FRMD6: variants seen among roughly 807,000 people sequenced by gnomAD.
The protein encoded by FRMD6 is FERM domain-containing protein 6.
A neutral mutation model predicts 73.2 loss-of-function variants in FRMD6; 37 were observed. The observed-to-expected ratio is 0.51, with a 90% CI of 0.39 to 0.66. The LOEUF (loss-of-function observed/expected upper bound fraction) is 0.66. Ranked by LOEUF, FRMD6 falls within the 30% of genes least tolerant of loss-of-function variation. The pLI, the probability that FRMD6 is intolerant of heterozygous loss-of-function variation, is 0.00. For synonymous variants in FRMD6, 273 were observed against 282.2 expected (o/e 0.97, Z 0.33); for missense variants, 714 against 780.5 (o/e 0.91, Z 1.02).
At chr14:51,490,665 C>A (rs146787216) in intron 1 of FRMD6, among the ~76,000 whole-genome samples, 2 of 141,110 alleles carry the variant, frequency 1.4e-5, no homozygotes, top group African/African-American at 2.5e-5. Flanking sequence ...CTTTAGTAAC[C>A]TTTACCTACC....
At chr14:51,681,089 T>G (rs1894762981) in intron 1 of FRMD6, among the ~76,000 whole-genome samples, 1 of 152,200 alleles carries the variant, frequency 6.6e-6, no homozygotes, top group African/African-American at 2.4e-5. Context: ...ATTCTCCCTT[T>G]TCTATAGCTG....
chr14:51,668,930 A>C (rs553804849), intron 1 of FRMD6, among the ~76,000 whole-genome samples: 1 of 152,154 alleles, frequency 6.6e-6, no homozygotes, highest in Non-Finnish European at 1.5e-5. Flanking sequence ...CAGCCTCCCA[A>C]AGTGCTGGGA....
At chr14:51,655,550 T>TG (rs1892762477) in intron 1 of FRMD6, among the ~76,000 whole-genome samples, 1 of 152,122 alleles carries the variant, frequency 6.6e-6, no homozygotes, top group South Asian at 2.1e-4. Context: ...GAAGAGGCTT[T>TG]GGGGGCCTTT....
intron 9 of FRMD6, among the ~76,000 whole-genome samples, chr14:51,713,353 G>A (rs1377334404): frequency 4.0e-5 from 6 of 151,800 alleles, no homozygotes; most frequent in African/African-American, 1.5e-4. Context: ...AGCTACTCAG[G>A]AGGCTGAGGC....
the FRMD6 span, among the ~76,000 whole-genome samples, chr14:51,416,022 A>C: frequency 6.6e-6 from 1 of 151,762 alleles, no homozygotes; most frequent in Non-Finnish European, 1.5e-5. Context: ...TTTTTATTGC[A>C]TCTATTTGAT....
At chr14:51,549,355 A>G (rs17585813) in intron 1 of FRMD6, among the ~76,000 whole-genome samples, 29,088 of 152,090 alleles carry the variant, frequency 0.19, 2,972 homozygotes, top group Middle Eastern at 0.32. Context: ...GCTTAATATC[A>G]CAATCACAGT....
chr14:51,618,677 A>AG, intron 2 of FRMD6, among the ~76,000 whole-genome samples: 2 of 152,162 alleles, frequency 1.3e-5, no homozygotes. Flanking sequence ...TTCCAGCCTC[A>AG]GGGGTTGGGT....
intron 2 of FRMD6, among the ~76,000 whole-genome samples, chr14:51,581,195 A>C (rs1369773860): frequency 1.3e-5 from 2 of 152,012 alleles, no homozygotes; most frequent in Non-Finnish European, 2.9e-5. Flanking sequence ...GCATCCGCCC[A>C]CACTTCCCAC....
At chr14:51,578,520 A>T (rs547323138) in intron 2 of FRMD6, among the ~76,000 whole-genome samples, 15 of 152,300 alleles carry the variant, frequency 9.8e-5, no homozygotes, top group African/African-American at 3.6e-4. Context: ...GCCCTTGCTT[A>T]TTCGCTCTGG....
the FRMD6 span, among the ~76,000 whole-genome samples, chr14:51,419,188 A>G: frequency 9.2e-3 from 1,398 of 152,258 alleles, 22 homozygotes; most frequent in African/African-American, 0.032. Flanking sequence ...GGCTGTGCCC[A>G]CTGTCCAACC....
At chr14:51,575,530 G>A (rs1433490194) in intron 2 of FRMD6, 1 of 152,226 alleles carries the variant, frequency 6.6e-6, no homozygotes, top group African/African-American at 2.4e-5. Flanking sequence ...TGTCAGAGGA[G>A]TGTGTGTGAC....
At chr14:51,607,024 G>C (rs552666778) in intron 2 of FRMD6, among the ~76,000 whole-genome samples, 2 of 152,004 alleles carry the variant, frequency 1.3e-5, no homozygotes, top group Admixed American at 1.3e-4. Context: ...TATTCTGTCC[G>C]GGTCCCCAGT....
chr14:51,437,622 A>T, the FRMD6 span, among the ~76,000 whole-genome samples: 1 of 151,896 alleles, frequency 6.6e-6, no homozygotes, highest in Admixed American at 6.6e-5. Flanking sequence ...TTTTTAAAAA[A>T]TTTTCTCCAA....
chr14:51,685,035 ATAG>A (rs1895058100), intron 1 of FRMD6, among the ~76,000 whole-genome samples: 1 of 152,154 alleles, frequency 6.6e-6, no homozygotes, highest in African/African-American at 2.4e-5. Flanking sequence ...GAGAGGGGAA[ATAG>A]ATCCCACCTC....
intron 11 of FRMD6, 30 bp downstream of exon 11, chr14:51,720,420 T>G: frequency 1.9e-6 from 3 of 1,601,512 alleles, no homozygotes; most frequent in Non-Finnish European, 2.6e-6. Context: ...ACTGGCTCTC[T>G]GTTTAGTCTC....
intron 2 of FRMD6, among the ~76,000 whole-genome samples, chr14:51,627,864 C>T (rs1891175439): frequency 6.6e-6 from 1 of 152,176 alleles, no homozygotes; most frequent in Non-Finnish European, 1.5e-5. Flanking sequence ...TGGTTCCAGG[C>T]TCTCCCCTCT....
At position 51,691,451 on chromosome 14, in the gene FRMD6, C is replaced by T. The variant is rs77947713; in HGVS notation, c.99+1516C>T. Among the ~76,000 whole-genome samples, 122 of 152,172 alleles carry T rather than the reference C, an allele frequency of 8.0e-4. 3 individuals are homozygous for T. The East Asian group carries it at 0.019, about 24-fold the overall frequency. On this transcript the variant is annotated intron_variant, in intron 2 of 13. Transcript: ENST00000344768. ...TCATGCCTAAGATTTTTCAACCCCT[C>T]TCTGTGTTATCAACTTTCATACTGT... is the stretch of plus-strand genomic sequence containing the variant.
At chr14:51,525,510 G>A (rs1041990189) in intron 1 of FRMD6, among the ~76,000 whole-genome samples, 5 of 151,644 alleles carry the variant, frequency 3.3e-5, no homozygotes, top group East Asian at 3.9e-4. Flanking sequence ...CTTGTGATCC[G>A]CTGACCTTGT....
At chr14:51,570,007 G>A (rs1488937944) in intron 1 of FRMD6, among the ~76,000 whole-genome samples, 3 of 151,922 alleles carry the variant, frequency 2.0e-5, no homozygotes, top group East Asian at 1.9e-4. Context: ...AGTAGAGACG[G>A]GGTTTCACCA....
Sources: gnomAD v4.1 joint callset for allele counts (sites outside exome capture counted in the v4.1 genomes callset) on GRCh38, gnomAD v4.1.1 for gene constraint, MANE v1.5 for transcripts, NCBI Gene and HGNC (gene_info 2026-07-23, HGNC 2026-07-21) for gene names.